The following EEF2KMT variants were observed in gnomAD, a reference collection of about 807,000 sequenced individuals.
The protein encoded by EEF2KMT is protein-lysine N-methyltransferase EEF2KMT.
EEF2KMT carries 30 observed loss-of-function variants against 35.1 expected under a neutral mutation model. The observed-to-expected ratio is 0.85, with a 90% CI of 0.64 to 1.16. The LOEUF is 1.16. EEF2KMT is among the 50% of genes most tolerant of loss of function. The pLI, the probability that EEF2KMT is intolerant of heterozygous loss-of-function variation, is 0.00. For missense variants in EEF2KMT, 499 were observed against 438.2 expected (o/e 1.14, Z -1.24); for synonymous variants, 190 against 187.7 (o/e 1.01, Z -0.10).
In EEF2KMT at chr16:5,097,668, G is replaced by C. The variant is rs752365808; in HGVS notation, c.72C>G (p.Arg24=). Residue 24 remains arginine, a synonymous_variant, in exon 1 of 8, where the codon CGC becomes CGG. Transcript: ENST00000427587. ...CCTGCCAGGGGAAGGAGCGCAGTGT[G>C]CGTGCCGCCAGGAAGCGGCGCTCGA... ...QSFERRFLAA[R]TLRSFPWQSL... 1 of 1,576,984 alleles carries C rather than the reference G, an allele frequency of 6.3e-7. No individual in the cohort carries two copies. The highest frequency in any genetic ancestry group is 2.3e-5 in the East Asian group (1 of 43,430).
At position 5,085,725 on chromosome 16, in the gene EEF2KMT, G is replaced by A. The variant is rs761761355; in HGVS notation, c.900C>T (p.Ala300=). 24 of 1,610,972 alleles carry A rather than the reference G, an allele frequency of 1.5e-5. No homozygotes were observed. The highest frequency in any genetic ancestry group is 9.9e-5 in the South Asian group (9 of 90,966). The change falls in exon 8 of 8, where the codon GCC becomes GCT. Residue 300 remains alanine (A), a synonymous_variant. Transcript: ENST00000427587. ...GAGGTTCCACTTCCCATCTGATCCC[G>A]GCCCGGCCTGGAAACAGAGCACATG... ...CQLFTTELGR[A]GIRWEVEPRH...
At position 5,084,444 on chromosome 16, in the gene EEF2KMT, G is replaced by T. The variant is rs1440056145; in HGVS notation, c.*1188C>A. 5.5e-6 allele frequency: 3 copies of T among 547,636 alleles called. No individual in the cohort carries two copies. Among genetic ancestry groups the T allele is most frequent in the Non-Finnish European group, 9.9e-6 (3 of 304,462 alleles). The allele number at this position is 547,636 out of a possible 1,614,324, so 33.9% of individuals were successfully genotyped here. A position where few individuals can be genotyped will look rare whatever the true frequency, so the allele number is the denominator to read the frequency against. ...ACCCCCTTGTTACCCACAGATGGGT[G>T]AGACTGCGTTGGCCAGAGGCCGAGA... On this transcript the variant is annotated 3_prime_UTR_variant, in exon 8 of 8. Transcript: ENST00000427587.
At chr16:5,088,389 C>T (rs1310926713) in intron 7 of EEF2KMT, among the ~76,000 whole-genome samples, 1 of 152,194 alleles carries the variant, frequency 6.6e-6, no homozygotes, top group Non-Finnish European at 1.5e-5. Flanking sequence ...GCAGAGGCTG[C>T]TGCATGTGCA....
In EEF2KMT at chr16:5,084,460, G is replaced by C. The variant is rs1445334962; in HGVS notation, c.*1172C>G. The C allele has an allele frequency of 5.3e-6, 3 of 568,756 alleles. No individual in the cohort carries two copies. The highest frequency in any genetic ancestry group is 9.4e-6 in the Non-Finnish European group (3 of 318,434). 35.2% of individuals were successfully genotyped at this position (568,756 alleles called of 1,614,324 possible). A position where few individuals can be genotyped will look rare whatever the true frequency, so the allele number is the denominator to read the frequency against. ...CAGATGGGTGAGACTGCGTTGGCCAGAGGCCGAGAGGAGGGTGCTCACAGG... is the reference window on the plus strand; with the variant it reads ...CAGATGGGTGAGACTGCGTTGGCCACAGGCCGAGAGGAGGGTGCTCACAGG... On this transcript the variant is annotated 3_prime_UTR_variant, in exon 8 of 8. Coordinates refer to ENST00000427587, the MANE Select transcript of EEF2KMT (RefSeq NM_201400.4).
In EEF2KMT at chr16:5,089,107, C is replaced by G. The variant is rs565204592; in HGVS notation, c.892G>C (p.Gly298Arg). The part of the protein sequence containing the change: ...ETCQLFTTEL[G>R]RAGIRWEVEP... ...GGCCCGGGTGGGCGTGGAGGCTCAC[C>G]TAGCTCGGTGGTGAACAGCTGGCAC... Residue 298 changes from glycine to arginine, a missense_variant and splice_region_variant, in exon 7 of 8, where the codon GGC becomes CGC. Coordinates refer to ENST00000427587, the MANE Select transcript of EEF2KMT (RefSeq NM_201400.4). 6.2e-7 allele frequency: 1 copy of G among 1,612,526 alleles called. No individual in the cohort carries two copies. Among genetic ancestry groups the G allele is most frequent in the African/African-American group, 1.3e-5 (1 of 74,922 alleles).
chr16:5,084,508 C>A lies in EEF2KMT; in HGVS notation c.*1124G>T. 3 of 663,218 alleles carry A rather than the reference C, an allele frequency of 4.5e-6. No individual in the cohort carries two copies. Among genetic ancestry groups the A allele is most frequent in the Non-Finnish European group, 7.8e-6 (3 of 382,918 alleles). 41.1% of individuals were successfully genotyped at this position (663,218 alleles called of 1,614,324 possible). A position where few individuals can be genotyped will look rare whatever the true frequency, so the allele number is the denominator to read the frequency against. ...AGGGGAATGGGCAGCACGTAGAGGC[C>A]GGGAGGTGCTCCAGGGCACCAAGTG... On this transcript the variant is annotated 3_prime_UTR_variant, in exon 8 of 8. Transcript: ENST00000427587.
In EEF2KMT at chr16:5,090,008, C is replaced by T. The variant is rs1957306320; in HGVS notation, c.742+76G>A. 12 of 1,586,596 alleles carry T rather than the reference C, an allele frequency of 7.6e-6. No individual in the cohort carries two copies. The highest frequency in any genetic ancestry group is 3.4e-5 in the Admixed American group (2 of 58,468). The stretch of plus-strand genomic sequence containing the variant: ...TCCATGCCCGACAGCGTCCATTGTT[C>T]CCTTTTCCCAGAGCCAAGAGCTGGG... On this transcript the variant is annotated intron_variant, in intron 6 of 7. Transcript: ENST00000427587. This position sits in a 1 kb window ranked among gnomAD's most constrained non-coding sequence, Gnocchi z 4.1.
At chr16:5,092,504 A>G (rs1276621289) in intron 3 of EEF2KMT, among the ~76,000 whole-genome samples, 1 of 152,184 alleles carries the variant, frequency 6.6e-6, no homozygotes, top group African/African-American at 2.4e-5. Flanking sequence ...GTGACCACAG[A>G]TGCATGCTTC....
At chr16:5,091,619 T>G (rs549567469) in intron 4 of EEF2KMT, among the ~76,000 whole-genome samples, 175 bp downstream of exon 4, 3 of 152,350 alleles carry the variant, frequency 2.0e-5, no homozygotes, top group African/African-American at 7.2e-5. Context: ...ATGCTGTTGT[T>G]GTTGAAGTGC....
At chr16:5,087,689 T>C (rs1272181250) in intron 7 of EEF2KMT, among the ~76,000 whole-genome samples, 1 of 150,922 alleles carries the variant, frequency 6.6e-6, no homozygotes, top group Admixed American at 6.6e-5. Context: ...TCCCAGCTAC[T>C]CAGGAGGCTG....
rs775019306 is a variant in EEF2KMT, at chr16:5,097,729, T to C, written c.11A>G (p.Glu4Gly). 6 of 1,565,394 alleles carry C rather than the reference T, an allele frequency of 3.8e-6. No homozygotes were observed. Among genetic ancestry groups the C allele is most frequent in the Non-Finnish European group, 4.3e-6 (5 of 1,160,978 alleles). Residue 4 changes from glutamate to glycine, a missense_variant, in exon 1 of 8, where the codon GAG becomes GGG. Coordinates refer to ENST00000427587, the MANE Select transcript of EEF2KMT (RefSeq NM_201400.4). ...CAAGAGTTCGGTCCCCGCGTTCTCC[T>C]CGGGCGCCATGACGTGGGCGGGGCC... MAP[E>G]ENAGTELLLQ... is the part of the protein sequence containing the mutation.
rs1484048952 is a variant in EEF2KMT at position 5,097,759 on chromosome 16, C to T, written c.-20G>A. ...CGCCATGACGTGGGCGGGGCCGCAG[C>T]GTTGCCGGCAGACCGGGCGGAAGCC... On this transcript the variant is annotated 5_prime_UTR_variant, in exon 1 of 8. Coordinates refer to ENST00000427587, the MANE Select transcript of EEF2KMT (RefSeq NM_201400.4). The T allele has an allele frequency of 6.5e-6, 10 of 1,544,300 alleles. No homozygotes were observed. The highest frequency in any genetic ancestry group is 8.7e-6 in the Non-Finnish European group (10 of 1,150,968).
intron 2 of EEF2KMT, among the ~76,000 whole-genome samples, chr16:5,095,169 C>T (rs943256507): frequency 3.9e-5 from 6 of 152,226 alleles, no homozygotes; most frequent in African/African-American, 1.4e-4. Flanking sequence ...CACCTGTCAT[C>T]TCTGTTTTTG....
In EEF2KMT at chr16:5,085,700, G is replaced by A. The variant is rs771051209; in HGVS notation, c.925C>T (p.Arg309Cys). Residue 309 changes from arginine (R) to cysteine (C), a missense_variant, in exon 8 of 8, where the codon CGT (arginine) becomes TGT (cysteine). Coordinates refer to ENST00000427587, the MANE Select transcript of EEF2KMT (RefSeq NM_201400.4). ...RAGIRWEVEP[R>C]HEQKLFPYEE... ...TAGGGAAACAGTTTCTGCTCATGAC[G>A]AGGTTCCACTTCCCATCTGATCCCG... The A allele has an allele frequency of 1.5e-5, 24 of 1,611,708 alleles. 1 individual carries two copies. The highest frequency in any genetic ancestry group is 1.2e-4 in the South Asian group (11 of 90,990).
chr16:5,088,698 C>T (rs910041329), intron 7 of EEF2KMT, among the ~76,000 whole-genome samples: 9 of 152,110 alleles, frequency 5.9e-5, no homozygotes, highest in South Asian at 2.1e-4. Flanking sequence ...CGTCTTCCAC[C>T]GACTGGGTGC....
Position 5,090,591 on chromosome 16 carries a change from C to G in EEF2KMT, c.343-26G>C. The G allele has an allele frequency of 6.2e-7, 1 of 1,611,842 alleles. No individual in the cohort carries two copies. Among genetic ancestry groups the G allele is most frequent in the Non-Finnish European group, 8.5e-7 (1 of 1,179,768 alleles). ...CTGCACCAAGAGAAGGCGAGAGAGT[C>G]AGTCCAGCGATCAGAAGGCAAGTGG... is the stretch of plus-strand genomic sequence containing the variant. On this transcript the variant is annotated intron_variant, in intron 4 of 7. Transcript: ENST00000427587. This position sits in a 1 kb window ranked among gnomAD's most constrained non-coding sequence, Gnocchi z 4.1.
At chr16:5,089,080 C>T (rs574413887) in intron 7 of EEF2KMT, 27 bp downstream of exon 7, 304 of 1,611,512 alleles carry the variant, frequency 1.9e-4, no homozygotes, top group South Asian at 9.9e-4. Flanking sequence ...AGGGACCATG[C>T]AGGCCCGGGT....
Position 5,090,139 on chromosome 16 carries a change from G to A in EEF2KMT, c.687C>T (p.Asp229=), listed in dbSNP as rs763613415. 7 of 1,610,592 alleles carry A rather than the reference G, an allele frequency of 4.3e-6. No individual in the cohort carries two copies. Among genetic ancestry groups the A allele is most frequent in the East Asian group, 4.5e-5 (2 of 44,896 alleles). Residue 229 remains aspartate, a synonymous_variant, in exon 6 of 8, where the codon GAC becomes GAT. Coordinates refer to ENST00000427587, the MANE Select transcript of EEF2KMT (RefSeq NM_201400.4). The surrounding 1 kb of genome is among the most constrained non-coding windows in gnomAD (Gnocchi z 4.1). The stretch of plus-strand genomic sequence containing the variant: ...CAGAGAGCTGATGGACCGTCGCGAC[G>A]TCCCAGTCCAGCTGGGCCACTGTCA... The part of the protein sequence containing the change: ...PRVTVAQLDW[D]VATVHQLSAF...
intron 2 of EEF2KMT, among the ~76,000 whole-genome samples, chr16:5,095,045 T>C (rs1486423339): frequency 6.6e-6 from 1 of 152,152 alleles, no homozygotes; most frequent in Non-Finnish European, 1.5e-5. Context: ...AACCCCACCC[T>C]GGGCAAAGCA....
Sources: gnomAD v4.1 joint callset for allele counts (sites outside exome capture counted in the v4.1 genomes callset) on GRCh38, gnomAD v4.1.1 for gene constraint, Gnocchi (gnomAD v3.1) non-coding constraint, MANE v1.5 for transcripts, NCBI Gene and HGNC (gene_info 2026-07-23, HGNC 2026-07-21) for gene names.